KLHDC4: variants seen among roughly 807,000 people sequenced by gnomAD.
KLHDC4 encodes kelch domain-containing protein 4.
KLHDC4 carries 90 observed loss-of-function variants against 62.4 expected under a neutral mutation model. The ratio of observed to expected loss-of-function variants is 1.44; its 90% confidence interval spans 1.22 to 1.72. The LOEUF is 1.72. KLHDC4 is among the 40% of genes most tolerant of loss of function. The pLI is 0.00. For synonymous variants in KLHDC4, 386 were observed against 284.4 expected (o/e 1.36, Z -3.59); for missense variants, 1,025 against 699.7 (o/e 1.47, Z -5.25).
chr16:87,741,458 C>G (rs755723125), intron 5 of KLHDC4, among the ~76,000 whole-genome samples: 1 of 152,186 alleles, frequency 6.6e-6, no homozygotes, highest in East Asian at 1.9e-4. Context: ...GGGCTGCACA[C>G]ACCATAGATC....
chr16:87,752,987 C>T (rs930144038), intron 4 of KLHDC4, among the ~76,000 whole-genome samples: 5 of 152,222 alleles, frequency 3.3e-5, no homozygotes, highest in African/African-American at 9.6e-5. Flanking sequence ...CCAGGAAACA[C>T]GCCACGCAGC....
chr16:87,712,052 C>CA (rs1296336892), intron 8 of KLHDC4, among the ~76,000 whole-genome samples: 1 of 151,578 alleles, frequency 6.6e-6, no homozygotes, highest in Non-Finnish European at 1.5e-5. Flanking sequence ...ACCCTTCGCC[C>CA]GGGGGCTGCA....
At chr16:87,742,571 G>GCC (rs1379718783) in intron 5 of KLHDC4, among the ~76,000 whole-genome samples, 1 of 152,166 alleles carries the variant, frequency 6.6e-6, no homozygotes, top group Non-Finnish European at 1.5e-5. Context: ...GTCCACAGCT[G>GCC]TCAGGATAGG....
intron 7 of KLHDC4, among the ~76,000 whole-genome samples, chr16:87,715,777 G>C (rs994323622): frequency 9.2e-5 from 14 of 152,336 alleles, no homozygotes; most frequent in African/African-American, 3.1e-4. Flanking sequence ...GCCTGGCTGA[G>C]GTCGTGTCTG....
chr16:87,765,214 C>A (rs2046458874), intron 1 of KLHDC4: 2 of 455,926 alleles, frequency 4.4e-6, no homozygotes, highest in African/African-American at 4.0e-5. Flanking sequence ...GGGCTGAGGA[C>A]CAGAGGGAAG....
chr16:87,733,725 C>G (rs1409459435), intron 5 of KLHDC4, among the ~76,000 whole-genome samples: 2 of 139,094 alleles, frequency 1.4e-5, no homozygotes. Context: ...CCCTGGGATC[C>G]TCACTGATGA....
downstream of KLHDC4, among the ~76,000 whole-genome samples, chr16:87,704,412 G>A (rs559942969): frequency 9.3e-4 from 105 of 112,598 alleles, no homozygotes; most frequent in Non-Finnish European, 1.6e-3. Flanking sequence ...GGCGCCTGGG[G>A]AGGGTCCTGA....
chr16:87,716,715 G>C (rs1034796654), intron 7 of KLHDC4, among the ~76,000 whole-genome samples: 3 of 152,138 alleles, frequency 2.0e-5, no homozygotes. Context: ...TAGACCATGA[G>C]GTCAGGAGAT....
At chr16:87,728,358 C>A (rs974171433) in intron 6 of KLHDC4, among the ~76,000 whole-genome samples, 3 of 152,010 alleles carry the variant, frequency 2.0e-5, no homozygotes, top group African/African-American at 7.3e-5. Flanking sequence ...GATTTCACGT[C>A]GCAGATTTTT....
At chr16:87,743,311 T>C (rs2143016951) in intron 5 of KLHDC4, among the ~76,000 whole-genome samples, 1 of 152,134 alleles carries the variant, frequency 6.6e-6, no homozygotes, top group Non-Finnish European at 1.5e-5. Context: ...TCCCGGCTGG[T>C]CTCAAACTCC....
chr16:87,725,883 G>A (rs969181459), intron 7 of KLHDC4, among the ~76,000 whole-genome samples: 2 of 152,158 alleles, frequency 1.3e-5, no homozygotes, highest in African/African-American at 2.4e-5. Flanking sequence ...CCCGTTAACA[G>A]GAGCGAGGAG....
intron 5 of KLHDC4, among the ~76,000 whole-genome samples, chr16:87,746,385 A>G (rs980212678): frequency 2.0e-5 from 3 of 151,952 alleles, no homozygotes; most frequent in African/African-American, 7.3e-5. Context: ...GAAAGAGAGA[A>G]AGAGACAGAG....
chr16:87,722,374 G>T (rs990915303), intron 7 of KLHDC4, among the ~76,000 whole-genome samples: 3 of 152,314 alleles, frequency 2.0e-5, no homozygotes, highest in Admixed American at 1.3e-4. Flanking sequence ...AGGAGGGCAG[G>T]TGTCTGTGAG....
chr16:87,721,417 A>T, intron 7 of KLHDC4, among the ~76,000 whole-genome samples: 1 of 148,198 alleles, frequency 6.7e-6, no homozygotes, highest in African/African-American at 2.5e-5. Context: ...CTGTCTCTAA[A>T]AAAAAAAAAA....
Position 87,755,386 on chromosome 16 carries a change from T to C in KLHDC4, c.271-94A>G, listed in dbSNP as rs370912489. 9.6e-5 allele frequency: 68 copies of C among 707,494 alleles called. No homozygotes were observed. In the East Asian group the frequency reaches 1.5e-3, roughly 16 times the overall value. 43.8% of individuals were successfully genotyped at this position (707,494 alleles called of 1,614,324 possible). A position where few individuals can be genotyped will look rare whatever the true frequency, so the allele number is the denominator to read the frequency against. On this transcript the variant is annotated intron_variant, in intron 3 of 11. Coordinates refer to ENST00000270583, the MANE Select transcript of KLHDC4 (RefSeq NM_017566.4). ...TAATCATGACAATTCCCTGGGAAACTGACATGCTAAAGGAATGTAAACCAT... is the reference window on the plus strand; with the variant it reads ...TAATCATGACAATTCCCTGGGAAACCGACATGCTAAAGGAATGTAAACCAT...
At chr16:87,757,003 TG>T (rs1185862426) in intron 2 of KLHDC4, among the ~76,000 whole-genome samples, 4 of 151,774 alleles carry the variant, frequency 2.6e-5, no homozygotes, top group Admixed American at 6.6e-5. Flanking sequence ...TTAGTAGAGA[TG>T]GGGTTTCACT....
At chr16:87,762,442 C>T (rs1234410690) in intron 1 of KLHDC4, among the ~76,000 whole-genome samples, 2 of 151,876 alleles carry the variant, frequency 1.3e-5, no homozygotes, top group South Asian at 2.1e-4. Context: ...ACAAGCCCAT[C>T]GTGACTTCAC....
intron 5 of KLHDC4, among the ~76,000 whole-genome samples, chr16:87,736,660 G>A (rs942538213): frequency 1.5e-4 from 23 of 152,166 alleles, no homozygotes; most frequent in African/African-American, 5.1e-4. Context: ...ATTAGTAGCC[G>A]TCTCCAGAAT....
intron 5 of KLHDC4, among the ~76,000 whole-genome samples, chr16:87,734,072 G>A (rs950638119): frequency 9.2e-5 from 14 of 152,228 alleles, no homozygotes; most frequent in African/African-American, 3.1e-4. Flanking sequence ...AGGGCCGGGC[G>A]CGGTGGCTCA....
Sources: allele counts gnomAD v4.1 joint callset (sites outside exome capture counted in the v4.1 genomes callset), GRCh38; gene constraint gnomAD v4.1.1; transcripts MANE v1.5; gene names NCBI Gene and HGNC (gene_info 2026-07-23, HGNC 2026-07-21).